Variants in AEBP1 observed in about 807,000 individuals in gnomAD.
AEBP1 encodes the protein AE binding protein 1.
Under a neutral mutation model 116.5 loss-of-function variants are expected in AEBP1, and 69 were observed. That is an observed-to-expected ratio of 0.59 (90% confidence interval 0.49 to 0.72). AEBP1 has a LOEUF of 0.72. Among genes scored for constraint, AEBP1 ranks in the 30% least tolerant of loss-of-function variants. The pLI is 0.00. For missense variants in AEBP1, 1,444 were observed against 1,557.5 expected, an observed-to-expected ratio of 0.93 and a Z score of 1.23; for synonymous variants, 627 against 627.3, an observed-to-expected ratio of 1.00 and a Z score of 0.01.
chr7:44,106,673 C>T lies in AEBP1; in HGVS notation c.381C>T (p.Ala127=). The T allele has an allele frequency of 2.5e-6, 4 of 1,612,522 alleles. No individual in the cohort carries two copies. Among genetic ancestry groups the T allele is most frequent in the Non-Finnish European group, 3.4e-6 (4 of 1,179,552 alleles). ...PKKGKEKPPK[A]TKKPKEKPPK... ...AGGGGAAGGAGAAGCCACCCAAGGC[C>T]ACCAAGAAGCCCAAGGAGAAGCCAC... is the stretch of plus-strand genomic sequence containing the variant. The change falls in exon 2 of 21, where the codon GCC becomes GCT. Residue 127 remains alanine (A), a synonymous_variant. Transcript: ENST00000223357.
chr7:44,113,551 G>A lies in AEBP1; in HGVS notation c.2810-43G>A. 1 of 1,549,238 alleles carries A rather than the reference G, an allele frequency of 6.5e-7. No homozygotes were observed. Among genetic ancestry groups the A allele is most frequent in the Non-Finnish European group, 8.7e-7 (1 of 1,153,130 alleles). On this transcript the variant is annotated intron_variant, in intron 20 of 20. Coordinates refer to ENST00000223357, the MANE Select transcript of AEBP1 (RefSeq NM_001129.5). The surrounding 1 kb of genome is among the most constrained non-coding windows in gnomAD (Gnocchi z 5.3). ...GGACTGAGTGGGAGGGTGGGGGCCT[G>A]GGAGGGGCGCTCTGGGGCAGCCGGA...
chr7:44,111,521 G>A lies in AEBP1; in HGVS notation c.1731G>A (p.Val577=), dbSNP rs751165649. The A allele has an allele frequency of 3.6e-5, 57 of 1,596,428 alleles. No individual in the cohort carries two copies. The South Asian group carries it at 5.8e-4, about 16-fold the overall frequency. Residue 577 remains valine, a synonymous_variant, in exon 15 of 21, where the codon GTG becomes GTA. Coordinates refer to ENST00000223357, the MANE Select transcript of AEBP1 (RefSeq NM_001129.5). The surrounding 1 kb of genome is among the most constrained non-coding windows in gnomAD (Gnocchi z 4.7). ...CTCTGCCCCAGCTCATGAAGGTGGTGAACGAGGAGTGCCCCACCATCACCC... is the reference window on the plus strand; with the variant it reads ...CTCTGCCCCAGCTCATGAAGGTGGTAAACGAGGAGTGCCCCACCATCACCC... ...YKDMRQLMKV[V]NEECPTITRT... is the part of the protein sequence containing the mutation.
In AEBP1 at chr7:44,107,495, CG is replaced by C. The variant is rs775886011; in HGVS notation, c.655del (p.Glu219SerfsTer73). 4 of 1,613,394 alleles carry C rather than the reference CG, an allele frequency of 2.5e-6. No individual in the cohort carries two copies. In the Admixed American group the frequency reaches 6.7e-5, roughly 27 times the overall value. On this transcript the variant is annotated frameshift_variant, in exon 3 of 21. Coordinates refer to ENST00000223357, the MANE Select transcript of AEBP1 (RefSeq NM_001129.5). LOFTEE classifies it high-confidence loss of function. This position sits in a 1 kb window ranked among gnomAD's most constrained non-coding sequence, Gnocchi z 4.3. ...AGGAGAGGAGACCCATGTGGAGGCA[CG>C]GGAGCACCAGCCTGGTGAGTGGCCG... ...NPGEETHVEAREHQPEPEEET... is the reference protein window; with the variant it reads ...NPGEETHVEAXEHQPEPEEET...
At chr7:44,105,187 C>G (rs970403731) in intron 1 of AEBP1, among the ~76,000 whole-genome samples, 1 of 152,216 alleles carries the variant, frequency 6.6e-6, no homozygotes, top group Non-Finnish European at 1.5e-5. Context: ...TCGCTTATCC[C>G]CATTCCTCCA....
chr7:44,112,983 C>G lies in AEBP1; in HGVS notation c.2570-8C>G, dbSNP rs1203361627. On this transcript the variant is annotated splice_polypyrimidine_tract_variant and splice_region_variant and intron_variant, in intron 18 of 20. Coordinates refer to ENST00000223357, the MANE Select transcript of AEBP1 (RefSeq NM_001129.5). This position sits in a 1 kb window ranked among gnomAD's most constrained non-coding sequence, Gnocchi z 6.6. ...GCTGACTTTGGGTCTGTATCTGTCC[C>G]CGGCCAGCTATCAATGACTTCAGTT... is the stretch of plus-strand genomic sequence containing the variant. 17 of 1,613,818 alleles carry G rather than the reference C, an allele frequency of 1.1e-5. No homozygotes were observed. Among genetic ancestry groups the G allele is most frequent in the Middle Eastern group, 1.6e-4 (1 of 6,084 alleles).
At position 44,112,728 on chromosome 7, in the gene AEBP1, T is replaced by C; in HGVS notation, c.2388T>C (p.Asp796=). 1 of 1,613,142 alleles carries C rather than the reference T, an allele frequency of 6.2e-7. No homozygotes were observed. Among genetic ancestry groups the C allele is most frequent in the Non-Finnish European group, 8.5e-7 (1 of 1,179,954 alleles). The part of the protein sequence containing the change: ...AAAMAAARGE[D]EDEVSEAQET... ...CCATGGCAGCAGCCCGGGGGGAGGA[T>C]GAGGACGAGGTCTCCGAGGCCCAGG... The change falls in exon 18 of 21, where the codon GAT becomes GAC. Residue 796 remains aspartate (D), a synonymous_variant. Coordinates refer to ENST00000223357, the MANE Select transcript of AEBP1 (RefSeq NM_001129.5). This position sits in a 1 kb window ranked among gnomAD's most constrained non-coding sequence, Gnocchi z 6.6.
chr7:44,110,486 TGCC>T, intron 11 of AEBP1, 140 bp downstream of exon 11: 1 of 1,309,034 alleles, frequency 7.6e-7, no homozygotes, highest in Non-Finnish European at 1.0e-6. Flanking sequence ...GGACTCACCC[TGCC>T]CATCCCCACT....
In AEBP1 at chr7:44,113,944, CCCCCTG is replaced by C. The variant is rs755838362; in HGVS notation, c.3169_3174del (p.Pro1057_Ala1058del). On this transcript the variant is annotated inframe_deletion, in exon 21 of 21. Coordinates refer to ENST00000223357, the MANE Select transcript of AEBP1 (RefSeq NM_001129.5). The surrounding 1 kb of genome is among the most constrained non-coding windows in gnomAD (Gnocchi z 5.3). ...CCCCCACACTGTGCCTCCCACGCTG[CCCCCTG>C]CCCCTGCCACCACCCTGAGCACTAC... The C allele has an allele frequency of 3.1e-6, 5 of 1,613,086 alleles. No homozygotes were observed. The East Asian group carries it at 8.9e-5, about 29-fold the overall frequency.
Position 44,111,818 on chromosome 7 carries a change from G to A in AEBP1, c.1841-36G>A, listed in dbSNP as rs1390347086. The A allele has an allele frequency of 4.4e-6, 7 of 1,596,950 alleles. No individual in the cohort carries two copies. The highest frequency in any genetic ancestry group is 5.1e-6 in the Non-Finnish European group (6 of 1,171,244). On this transcript the variant is annotated intron_variant, in intron 15 of 20. Transcript: ENST00000223357. This position sits in a 1 kb window ranked among gnomAD's most constrained non-coding sequence, Gnocchi z 4.7. ...CTTCCTCAGCTGCCCTGGGCCTCGG[G>A]AGACTGAGTGCTCACTGAGGCTCCC...
chr7:44,109,433 G>T, intron 9 of AEBP1, 92 bp downstream of exon 9: 1 of 1,359,232 alleles, frequency 7.4e-7, no homozygotes, highest in Non-Finnish European at 9.8e-7. Context: ...CAGGACCCAG[G>T]TCCCCGGAAC....
At chr7:44,110,623 C>G (rs909068354) in intron 11 of AEBP1, 102 bp from the exon 12 acceptor site, 1 of 1,166,640 alleles carries the variant, frequency 8.6e-7, no homozygotes. Context: ...CAGCACCACC[C>G]TGCTAGCTCT....
chr7:44,110,588 AC>A, intron 11 of AEBP1, 136 bp from the exon 12 acceptor site: 1 of 984,698 alleles, frequency 1.0e-6, no homozygotes, highest in Non-Finnish European at 1.5e-6. Context: ...CGGGCATAGG[AC>A]CCAGGCTCAA....
intron 1 of AEBP1, among the ~76,000 whole-genome samples, chr7:44,105,995 A>C (rs530964432): frequency 1.3e-5 from 2 of 152,036 alleles, no homozygotes; most frequent in African/African-American, 4.8e-5. Flanking sequence ...CCTTCCAATC[A>C]ATTCCAAACC....
In AEBP1 at chr7:44,110,364, T is replaced by G. The variant is rs575424331; in HGVS notation, c.1400+18T>G. ...AGCATCCAGTGCGTGGCCAGGCTCA[T>G]GGATAGTTGGCAGAGGGGAGTGGCT... On this transcript the variant is annotated intron_variant, in intron 11 of 20. Transcript: ENST00000223357. The G allele has an allele frequency of 1.5e-5, 24 of 1,613,370 alleles. No homozygotes were observed. In the East Asian group the frequency reaches 4.9e-4, roughly 33 times the overall value.
rs766474734 is a variant in AEBP1, at chr7:44,111,481, T to A, written c.1717-26T>A. On this transcript the variant is annotated intron_variant, in intron 14 of 20. Coordinates refer to ENST00000223357, the MANE Select transcript of AEBP1 (RefSeq NM_001129.5). This position sits in a 1 kb window ranked among gnomAD's most constrained non-coding sequence, Gnocchi z 4.7. ...AGCGGGGGACGGATTGCATGATTGA[T>A]TCCACGTCCTCCCCCTCTGCCCCAG... The A allele has an allele frequency of 6.4e-7, 1 of 1,557,858 alleles. No individual in the cohort carries two copies. The highest frequency in any genetic ancestry group is 1.9e-5 in the Admixed American group (1 of 51,776).
Position 44,110,109 on chromosome 7 carries a change from C to T in AEBP1, c.1245C>T (p.Gly415=). The T allele has an allele frequency of 6.2e-7, 1 of 1,613,084 alleles. No homozygotes were observed. Among genetic ancestry groups the T allele is most frequent in the Non-Finnish European group, 8.5e-7 (1 of 1,179,988 alleles). The change falls in exon 10 of 21, where the codon GGC becomes GGT. Residue 415 remains glycine (G), a synonymous_variant. Coordinates refer to ENST00000223357, the MANE Select transcript of AEBP1 (RefSeq NM_001129.5). ...GCCACGGCCTGGGGGCACAGCGCGG[C>T]CGGCTCAACATGCAGGTGGGCATTG... ...MLRHGLGAQR[G]RLNMQTGATE...
chr7:44,112,393 G>T lies in AEBP1; in HGVS notation c.2217+72G>T. The T allele has an allele frequency of 6.7e-7, 1 of 1,492,064 alleles. No homozygotes were observed. Among genetic ancestry groups the T allele is most frequent in the Non-Finnish European group, 9.0e-7 (1 of 1,116,680 alleles). 92.4% of individuals were successfully genotyped at this position (1,492,064 alleles called of 1,614,324 possible). ...CTGGGGTCCTGGTGTTCTGGGCTTG[G>T]GGGTGGGGCTGACGGTGCCTGAACT... On this transcript the variant is annotated intron_variant, in intron 17 of 20. Coordinates refer to ENST00000223357, the MANE Select transcript of AEBP1 (RefSeq NM_001129.5). The surrounding 1 kb of genome is among the most constrained non-coding windows in gnomAD (Gnocchi z 6.6).
At chr7:44,109,659 C>T (rs2096226794) in intron 9 of AEBP1, 2 of 573,638 alleles carry the variant, frequency 3.5e-6, no homozygotes, top group African/African-American at 3.7e-5. Flanking sequence ...CCCTGCAGGG[C>T]CATTGTGCAG....
In AEBP1 at chr7:44,107,743, C is replaced by T. The variant is rs746426034; in HGVS notation, c.739+43C>T. Reference sequence around the variant, plus strand: ...AGCCCCACCTGGGTCGGACCCCTGGCCTGGGGGATGTGCCAATGGGCCCAT... The same window carrying T: ...AGCCCCACCTGGGTCGGACCCCTGGTCTGGGGGATGTGCCAATGGGCCCAT... On this transcript the variant is annotated intron_variant, in intron 4 of 20. Coordinates refer to ENST00000223357, the MANE Select transcript of AEBP1 (RefSeq NM_001129.5). The surrounding 1 kb of genome is among the most constrained non-coding windows in gnomAD (Gnocchi z 4.3). 4.3e-6 allele frequency: 7 copies of T among 1,613,074 alleles called. No individual in the cohort carries two copies. Among genetic ancestry groups the T allele is most frequent in the Non-Finnish European group, 5.9e-6 (7 of 1,179,860 alleles).
Sources: allele counts gnomAD v4.1 joint callset (sites outside exome capture counted in the v4.1 genomes callset), GRCh38; gene constraint gnomAD v4.1.1; non-coding constraint Gnocchi (gnomAD v3.1); transcripts MANE v1.5; gene names NCBI Gene and HGNC (gene_info 2026-07-23, HGNC 2026-07-21).